PALS1: variants seen among roughly 807,000 people sequenced by gnomAD.
PALS1 encodes the protein protein associated with LIN7 1, MAGUK p55 family member, also known as protein PALS1.
PALS1 carries 31 observed loss-of-function variants against 78.9 expected under a neutral mutation model. The ratio of observed to expected loss-of-function variants is 0.39; its 90% confidence interval spans 0.30 to 0.53. The LOEUF (loss-of-function observed/expected upper bound fraction) is 0.53. Ranked by LOEUF, PALS1 falls within the 20% of genes least tolerant of loss-of-function variation. The pLI is 0.67. For synonymous variants in PALS1, 276 were observed against 270.9 expected, an observed-to-expected ratio of 1.02 and a Z score of -0.18; for missense variants, 704 against 826.5, an observed-to-expected ratio of 0.85 and a Z score of 1.82.
chr14:67,306,615 C>T (rs1160433046), intron 8 of PALS1, among the ~76,000 whole-genome samples: 1 of 151,914 alleles, frequency 6.6e-6, no homozygotes, highest in Non-Finnish European at 1.5e-5. Flanking sequence ...ATGATCCGCC[C>T]ACCTTGGCCT....
intron 1 of PALS1, among the ~76,000 whole-genome samples, chr14:67,260,242 C>A (rs184056991): frequency 1.9e-3 from 294 of 152,292 alleles, no homozygotes; most frequent in African/African-American, 7.0e-3. Flanking sequence ...GGCCATACCA[C>A]CCTGACTGTG....
chr14:67,257,484 C>A (rs571439891), intron 1 of PALS1, among the ~76,000 whole-genome samples: 3 of 152,048 alleles, frequency 2.0e-5, no homozygotes, highest in Non-Finnish European at 2.9e-5. Context: ...ACTTTGCTTT[C>A]ACAGGATGTA....
intron 4 of PALS1, among the ~76,000 whole-genome samples, chr14:67,298,555 G>A (rs983920485): frequency 6.6e-6 from 1 of 151,744 alleles, no homozygotes; most frequent in South Asian, 2.1e-4. Flanking sequence ...TATGAGTAGC[G>A]TGATCTCATT....
chr14:67,312,596 C>A lies in PALS1; in HGVS notation c.1111C>A (p.Leu371Met). Residue 371 changes from leucine (L) to methionine (M), a missense_variant, in exon 9 of 15, where the codon CTG becomes ATG. By Grantham distance (15) the Leu-to-Met change is conservative. Transcript: ENST00000261681. ...TTATGTTCCATGTCGAGAGTTAGGT[C>A]TGTCTTTTCAAAAAGGTGATATACT... ...DPYVPCRELGLSFQKGDILHV... is the reference protein window; with the variant it reads ...DPYVPCRELGMSFQKGDILHV... 1 of 1,613,630 alleles carries A rather than the reference C, an allele frequency of 6.2e-7. No individual in the cohort carries two copies. The highest frequency in any genetic ancestry group is 8.5e-7 in the Non-Finnish European group (1 of 1,179,788).
chr14:67,329,156 G>A (rs536324832), intron 14 of PALS1, among the ~76,000 whole-genome samples: 2 of 152,192 alleles, frequency 1.3e-5, no homozygotes, highest in African/African-American at 2.4e-5. Context: ...ACTTGGTTGA[G>A]CAGTGGTTTG....
intron 3 of PALS1, among the ~76,000 whole-genome samples, chr14:67,288,849 GT>G (rs1167723637): frequency 6.6e-6 from 1 of 151,818 alleles, no homozygotes; most frequent in East Asian, 1.9e-4. Flanking sequence ...TCTAATGACG[GT>G]TTTGACTTTT....
chr14:67,251,302 G>A (rs1386394154), intron 1 of PALS1, among the ~76,000 whole-genome samples: 1 of 152,212 alleles, frequency 6.6e-6, no homozygotes, highest in Non-Finnish European at 1.5e-5. Context: ...GGAGGCCGAG[G>A]CAGGAGGACC....
rs200866877 is a variant in PALS1, at chr14:67,292,720, G to A, written c.576+1G>A. ...CAACGCACAAGATCTTGCTCAAGAG[G>A]TATGTATTCTAAACATCTTGTTGAT... On this transcript the variant is annotated splice_donor_variant, in intron 4 of 14. Coordinates refer to ENST00000261681, the MANE Select transcript of PALS1 (RefSeq NM_022474.4). LOFTEE classifies it high-confidence loss of function. 1 of 1,612,062 alleles carries A rather than the reference G, an allele frequency of 6.2e-7. No homozygotes were observed. Among genetic ancestry groups the A allele is most frequent in the African/African-American group, 1.3e-5 (1 of 74,984 alleles).
At chr14:67,300,234 C>T (rs767367972) in intron 4 of PALS1, among the ~76,000 whole-genome samples, 2 of 151,822 alleles carry the variant, frequency 1.3e-5, no homozygotes, top group African/African-American at 2.4e-5. Flanking sequence ...TAATTAATCC[C>T]AAAATTATCA....
chr14:67,290,040 G>A (rs1393435674), intron 3 of PALS1, among the ~76,000 whole-genome samples: 1 of 152,086 alleles, frequency 6.6e-6, no homozygotes, highest in African/African-American at 2.4e-5. Context: ...CCAAAGTGCT[G>A]GGATTACAGG....
intron 9 of PALS1, among the ~76,000 whole-genome samples, chr14:67,316,572 G>A (rs919146035): frequency 6.6e-6 from 1 of 152,064 alleles, no homozygotes; most frequent in African/African-American, 2.4e-5. Flanking sequence ...CTTTTAAAAA[G>A]TTGAACTATT....
chr14:67,261,481 C>T (rs546200760), intron 1 of PALS1, among the ~76,000 whole-genome samples: 1 of 152,054 alleles, frequency 6.6e-6, no homozygotes, highest in Admixed American at 6.6e-5. Flanking sequence ...TCAGTTTTAC[C>T]CCAGGAGGAT....
intron 3 of PALS1, among the ~76,000 whole-genome samples, chr14:67,280,209 G>C (rs2084582522): frequency 6.6e-6 from 1 of 152,192 alleles, no homozygotes; most frequent in African/African-American, 2.4e-5. Flanking sequence ...GAATCTACAA[G>C]AGAGATTGAT....
At chr14:67,329,191 A>C (rs980715935) in intron 14 of PALS1, among the ~76,000 whole-genome samples, 1 of 152,170 alleles carries the variant, frequency 6.6e-6, no homozygotes, top group Non-Finnish European at 1.5e-5. Flanking sequence ...GAGGTCCTTC[A>C]CATCCCTTGT....
intron 1 of PALS1, among the ~76,000 whole-genome samples, chr14:67,248,285 C>G (rs1458257667): frequency 6.6e-6 from 1 of 151,746 alleles, no homozygotes; most frequent in African/African-American, 2.4e-5. Flanking sequence ...AATTGGGAGG[C>G]TGAGGTGGGA....
At chr14:67,243,667 AT>A (rs967773608) in intron 1 of PALS1, among the ~76,000 whole-genome samples, 29 of 134,446 alleles carry the variant, frequency 2.2e-4, no homozygotes, top group East Asian at 4.4e-4. Flanking sequence ...AATTTTTTGT[AT>A]TTTTTTTTTA....
chr14:67,281,750 G>A (rs746800594), intron 3 of PALS1, among the ~76,000 whole-genome samples: 1 of 151,898 alleles, frequency 6.6e-6, no homozygotes. Flanking sequence ...GAGAACAGTT[G>A]TGAGTTTATG....
intron 13 of PALS1, among the ~76,000 whole-genome samples, chr14:67,321,482 T>G (rs966798440): frequency 6.6e-6 from 1 of 152,220 alleles, no homozygotes; most frequent in Non-Finnish European, 1.5e-5. Flanking sequence ...TGACTATCTC[T>G]TATTCAAAAT....
chr14:67,264,210 C>T (rs1050147986), intron 1 of PALS1, among the ~76,000 whole-genome samples: 2 of 152,114 alleles, frequency 1.3e-5, no homozygotes, highest in African/African-American at 4.8e-5. Flanking sequence ...TTTTTTAAAA[C>T]CTGTCTCCTC....
Sources: gnomAD v4.1 joint callset for allele counts (sites outside exome capture counted in the v4.1 genomes callset) on GRCh38, gnomAD v4.1.1 for gene constraint, MANE v1.5 for transcripts, NCBI Gene and HGNC (gene_info 2026-07-23, HGNC 2026-07-21) for gene names.